FIG4: variants seen among roughly 807,000 people sequenced by gnomAD.
FIG4 encodes the protein FIG4 phosphoinositide 5-phosphatase, also known as polyphosphoinositide phosphatase.
FIG4 carries 112 observed loss-of-function variants against 118.6 expected under a neutral mutation model. That is an observed-to-expected ratio of 0.94 (90% CI 0.81 to 1.11). The LOEUF (loss-of-function observed/expected upper bound fraction) is 1.11. FIG4 is among the 50% of genes least tolerant of loss of function. FIG4 has a pLI of 0.00. For missense variants in FIG4, 969 were observed against 1,111.7 expected, an observed-to-expected ratio of 0.87 and a Z score of 1.83; for synonymous variants, 369 against 381.2, an observed-to-expected ratio of 0.97 and a Z score of 0.37.
At chr6:109,802,167 T>C (rs1001928183) in intron 22 of FIG4, among the ~76,000 whole-genome samples, 1 of 152,208 alleles carries the variant, frequency 6.6e-6, no homozygotes, top group African/African-American at 2.4e-5. Context: ...TACTTTCTTT[T>C]CTCTTTTCCT....
intron 22 of FIG4, among the ~76,000 whole-genome samples, chr6:109,806,482 A>AGT (rs143630242): frequency 1.2e-3 from 187 of 150,606 alleles, no homozygotes; most frequent in East Asian, 8.6e-3. Flanking sequence ...TGCACACACG[A>AGT]GTGTGTGTGT....
At chr6:109,694,708 A>G (rs145845575) in intron 1 of FIG4, among the ~76,000 whole-genome samples, 68 of 152,374 alleles carry the variant, frequency 4.5e-4, no homozygotes, top group Admixed American at 1.6e-3. Flanking sequence ...ACTAATATCC[A>G]GAATATATGA....
intron 10 of FIG4, among the ~76,000 whole-genome samples, chr6:109,748,341 C>T (rs1776571147): frequency 6.6e-6 from 1 of 152,082 alleles, no homozygotes; most frequent in Non-Finnish European, 1.5e-5. Context: ...TGGATTTTGG[C>T]AATACTGTGA....
chr6:109,756,953 G>T (rs186008142), intron 10 of FIG4, among the ~76,000 whole-genome samples: 66 of 152,174 alleles, frequency 4.3e-4, no homozygotes, highest in African/African-American at 1.4e-3. Flanking sequence ...GTCATTCTCC[G>T]TCCAGCTTTG....
chr6:109,718,639 C>T (rs9398215), intron 3 of FIG4, among the ~76,000 whole-genome samples: 12,916 of 152,146 alleles, frequency 0.085, 917 homozygotes, highest in African/African-American at 0.18. Flanking sequence ...CTCCTCAGGC[C>T]TGGCCCCTTT....
intron 1 of FIG4, among the ~76,000 whole-genome samples, chr6:109,698,039 C>G (rs897112241): frequency 6.6e-6 from 1 of 152,160 alleles, no homozygotes; most frequent in East Asian, 1.9e-4. Context: ...CAGGTGCACA[C>G]CACCACATCT....
chr6:109,704,887 T>C (rs1252316967), intron 1 of FIG4, among the ~76,000 whole-genome samples: 1 of 152,074 alleles, frequency 6.6e-6, no homozygotes, highest in Non-Finnish European at 1.5e-5. Flanking sequence ...AATTGGAATA[T>C]AAATTGTACA....
chr6:109,696,708 A>G (rs1774733338), intron 1 of FIG4, among the ~76,000 whole-genome samples: 1 of 152,204 alleles, frequency 6.6e-6, no homozygotes, highest in Non-Finnish European at 1.5e-5. Flanking sequence ...AGAAGCAGAG[A>G]GTAGAATTGT....
At chr6:109,755,098 A>C (rs1776843077) in intron 10 of FIG4, among the ~76,000 whole-genome samples, 1 of 150,860 alleles carries the variant, frequency 6.6e-6, no homozygotes, top group African/African-American at 2.4e-5. Context: ...CACTCTGCAC[A>C]CTGCTTTGAA....
intron 1 of FIG4, among the ~76,000 whole-genome samples, chr6:109,714,642 A>G (rs1286106110): frequency 2.0e-5 from 3 of 152,236 alleles, no homozygotes; most frequent in African/African-American, 7.2e-5. Flanking sequence ...ATTTGCAGAC[A>G]TTTATGAAAA....
At chr6:109,792,525 A>G (rs942981072) in intron 20 of FIG4, 57 bp from the exon 21 acceptor site, 1 of 979,220 alleles carries the variant, frequency 1.0e-6, no homozygotes, top group Non-Finnish European at 1.6e-6. Context: ...GAAATTATTG[A>G]TATGCTATAT....
In FIG4 at chr6:109,732,675, AT is replaced by A. The variant is rs769986219; in HGVS notation, c.490del (p.Tyr164ThrfsTer26). On this transcript the variant is annotated frameshift_variant, in exon 5 of 23. Transcript: ENST00000230124. LOFTEE classifies it high-confidence loss of function. ...TTTCAAAATGTGGACCTATCTAGCA[AT>A]TTTTACTTTAGGTAAGTGTGAGGTT... ...RIFQNVDLSS[N>X]FYFSYSYDLS... 9.1e-6 allele frequency: 14 copies of A among 1,541,910 alleles called. No homozygotes were observed. The highest frequency in any genetic ancestry group is 1.2e-5 in the Non-Finnish European group (13 of 1,122,142).
chr6:109,817,529 A>C (rs1309399898), intron 22 of FIG4, among the ~76,000 whole-genome samples: 1 of 152,110 alleles, frequency 6.6e-6, no homozygotes, highest in Non-Finnish European at 1.5e-5. Context: ...TTTTTAAAAT[A>C]CAAATAACCT....
chr6:109,770,752 C>A (rs1198865572), intron 15 of FIG4, among the ~76,000 whole-genome samples: 1 of 152,114 alleles, frequency 6.6e-6, no homozygotes, highest in Non-Finnish European at 1.5e-5. Context: ...CTCACTATCG[C>A]AAGGAGTGCA....
In FIG4 at chr6:109,732,620, T is replaced by TG; in HGVS notation, c.447-16dup. On this transcript the variant is annotated splice_polypyrimidine_tract_variant and intron_variant, in intron 4 of 22. Coordinates refer to ENST00000230124, the MANE Select transcript of FIG4 (RefSeq NM_014845.6). ...AGTATTGGACAAATGAAATGTACTTTGTTTTTTTTTTTTTAGGTATCTACG... is the reference window on the plus strand; with the variant it reads ...AGTATTGGACAAATGAAATGTACTTTGGTTTTTTTTTTTTTAGGTATCTACG... 2 of 1,057,620 alleles carry TG rather than the reference T, an allele frequency of 1.9e-6. No homozygotes were observed. Among genetic ancestry groups the TG allele is most frequent in the Non-Finnish European group, 1.4e-6 (1 of 736,414 alleles). 65.5% of individuals were successfully genotyped at this position (1,057,620 alleles called of 1,614,324 possible).
intron 1 of FIG4, among the ~76,000 whole-genome samples, chr6:109,697,718 A>G (rs969949656): frequency 2.0e-5 from 3 of 152,228 alleles, no homozygotes; most frequent in African/African-American, 7.2e-5. Flanking sequence ...GACAAGAATC[A>G]TTAAGAGTTC....
intron 11 of FIG4, among the ~76,000 whole-genome samples, chr6:109,761,859 T>G (rs1054294345): frequency 6.6e-6 from 1 of 152,220 alleles, no homozygotes; most frequent in African/African-American, 2.4e-5. Flanking sequence ...TCACCAATAT[T>G]TGATATTAAG....
Position 109,691,350 on chromosome 6 carries a change from C to T in FIG4, c.-86C>T. On this transcript the variant is annotated 5_prime_UTR_variant, in exon 1 of 23. Transcript: ENST00000230124. Reference sequence around the variant, plus strand: ...TGTTGTTCCTGGCTGGACTTGATGTCCAGGGCCTGAGGGGTTTTCTCGCCG... The same window carrying T: ...TGTTGTTCCTGGCTGGACTTGATGTTCAGGGCCTGAGGGGTTTTCTCGCCG... 9.2e-7 allele frequency: 1 copy of T among 1,084,362 alleles called. No homozygotes were observed. Among genetic ancestry groups the T allele is most frequent in the East Asian group, 2.6e-5 (1 of 38,902 alleles). The allele number at this position is 1,084,362 out of a possible 1,614,324, so 67.2% of individuals were successfully genotyped here. A position where few individuals can be genotyped will look rare whatever the true frequency, so the allele number is the denominator to read the frequency against.
chr6:109,791,859 A>G (rs951488848), intron 20 of FIG4, among the ~76,000 whole-genome samples: 2 of 152,160 alleles, frequency 1.3e-5, no homozygotes, highest in African/African-American at 2.4e-5. Flanking sequence ...AGGTCCATTT[A>G]TTCTCTTACT....
Sources: allele counts gnomAD v4.1 joint callset (sites outside exome capture counted in the v4.1 genomes callset), GRCh38; gene constraint gnomAD v4.1.1; transcripts MANE v1.5; gene names NCBI Gene and HGNC (gene_info 2026-07-23, HGNC 2026-07-21).